The following ADK variants were observed in gnomAD, a reference collection of about 807,000 sequenced individuals.
ADK encodes adenosine kinase, also known as N6,N6-dimethyladenosine kinase.
In ADK, 24 loss-of-function variants were observed where a neutral mutation model predicts 44.7. That is an observed-to-expected ratio of 0.54 (90% CI 0.39 to 0.76). ADK has a LOEUF of 0.76. Among genes scored for constraint, ADK ranks in the 30% least tolerant of loss-of-function variants. ADK has a pLI of 0.00. For missense variants in ADK, 321 were observed against 425.1 expected, an observed-to-expected ratio of 0.76 and a Z score of 2.15; for synonymous variants, 128 against 142.6, an observed-to-expected ratio of 0.90 and a Z score of 0.73.
intron 1 of ADK, among the ~76,000 whole-genome samples, chr10:74,167,672 G>C (rs772709020): frequency 2.0e-5 from 3 of 152,182 alleles, no homozygotes; most frequent in African/African-American, 7.2e-5. Context: ...TCAAAGGCTA[G>C]CTTAGAATCT....
rs200802754 is a variant in ADK, at chr10:74,280,549, G to T, written c.195-34118G>T. Among the ~76,000 whole-genome samples, 5 of 152,070 alleles carry T rather than the reference G, an allele frequency of 3.3e-5. No homozygotes were observed. The South Asian group carries it at 6.2e-4, about 19-fold the overall frequency. On this transcript the variant is annotated intron_variant, in intron 3 of 10. Coordinates refer to ENST00000539909, the MANE Select transcript of ADK (RefSeq NM_006721.4). ...GCCTTCCAGATAGTTTGGATTATGG[G>T]TGTTTACCCCTATGCCCAGCTCTAA...
intron 3 of ADK, among the ~76,000 whole-genome samples, chr10:74,266,479 C>G (rs530771850): frequency 6.6e-6 from 1 of 151,860 alleles, no homozygotes; most frequent in Non-Finnish European, 1.5e-5. Flanking sequence ...TTGCTTGAAC[C>G]GGGGAAGGAG....
At chr10:74,161,741 T>C (rs1176756618) in intron 1 of ADK, among the ~76,000 whole-genome samples, 3 of 151,774 alleles carry the variant, frequency 2.0e-5, no homozygotes, top group African/African-American at 7.3e-5. Flanking sequence ...GGTCTTGCTG[T>C]GTTGCCTAGG....
chr10:74,414,096 A>C (rs1844283599), intron 6 of ADK, among the ~76,000 whole-genome samples: 1 of 152,216 alleles, frequency 6.6e-6, no homozygotes, highest in Admixed American at 6.5e-5. Flanking sequence ...AAAGATATAA[A>C]AGTTTGAAAT....
rs143171055 is a variant in ADK at position 74,666,808 on chromosome 10, G to A, written c.878-3375G>A. Among the ~76,000 whole-genome samples, 15 of 150,224 alleles carry A rather than the reference G, an allele frequency of 1.0e-4. No individual in the cohort carries two copies. The East Asian group carries it at 2.9e-3, about 29-fold the overall frequency. ...AATAGCTATGGAGTAGGTCATGCCG[G>A]TAAAAACTGTTAGTTTTGTGACTTT... On this transcript the variant is annotated intron_variant, in intron 9 of 10. Transcript: ENST00000539909.
At chr10:74,621,559 T>A (rs1189465527) in intron 9 of ADK, among the ~76,000 whole-genome samples, 1 of 152,254 alleles carries the variant, frequency 6.6e-6, no homozygotes, top group Non-Finnish European at 1.5e-5. Flanking sequence ...TTAGGGTCTT[T>A]TCTGATTCCA....
chr10:74,671,850 G>A (rs573968170), intron 10 of ADK, among the ~76,000 whole-genome samples: 2 of 152,236 alleles, frequency 1.3e-5, no homozygotes, highest in African/African-American at 4.8e-5. Context: ...AGATTTGATG[G>A]TGACCTAAAT....
At chr10:74,430,621 G>C (rs1844950630) in intron 6 of ADK, among the ~76,000 whole-genome samples, 1 of 151,916 alleles carries the variant, frequency 6.6e-6, no homozygotes, top group African/African-American at 2.4e-5. Context: ...TTTTTTAAAA[G>C]GAACATCAAT....
intron 2 of ADK, among the ~76,000 whole-genome samples, chr10:74,224,241 A>T (rs573820068): frequency 6.6e-6 from 1 of 152,320 alleles, no homozygotes; most frequent in South Asian, 2.1e-4. Flanking sequence ...TTAACGTTGT[A>T]GTTGTTCCAT....
At chr10:74,372,053 G>C in intron 4 of ADK, 1 of 760,368 alleles carries the variant, frequency 1.3e-6, no homozygotes, top group Non-Finnish European at 2.4e-6. Flanking sequence ...CAATGGGTTT[G>C]ATGTGGTGGA....
chr10:74,350,983 G>A (rs182715120), intron 4 of ADK, among the ~76,000 whole-genome samples: 2 of 152,224 alleles, frequency 1.3e-5, no homozygotes, highest in African/African-American at 2.4e-5. Flanking sequence ...ATTCACATCC[G>A]AATTCTACCA....
At chr10:74,386,549 T>G (rs1164211674) in intron 4 of ADK, among the ~76,000 whole-genome samples, 1 of 152,194 alleles carries the variant, frequency 6.6e-6, no homozygotes. Context: ...TAAATTCAGT[T>G]GTAAATTTTT....
At chr10:74,416,149 T>C (rs1844367126) in intron 6 of ADK, among the ~76,000 whole-genome samples, 2 of 151,732 alleles carry the variant, frequency 1.3e-5, no homozygotes, top group Admixed American at 1.3e-4. Context: ...GTGGATGACA[T>C]GGTACGTGAA....
intron 7 of ADK, among the ~76,000 whole-genome samples, chr10:74,582,385 C>G (rs1417424299): frequency 1.3e-5 from 2 of 152,032 alleles, no homozygotes; most frequent in African/African-American, 4.8e-5. Flanking sequence ...TTTTCTTATG[C>G]TAGCCTCTTT....
At chr10:74,526,207 A>G (rs1303313065) in intron 7 of ADK, among the ~76,000 whole-genome samples, 1 of 152,030 alleles carries the variant, frequency 6.6e-6, no homozygotes, top group Admixed American at 6.5e-5. Context: ...TATTTTTAAA[A>G]TATTGTCTGT....
intron 10 of ADK, among the ~76,000 whole-genome samples, chr10:74,703,156 C>T (rs887087237): frequency 6.6e-6 from 1 of 152,018 alleles, no homozygotes; most frequent in Non-Finnish European, 1.5e-5. Flanking sequence ...AAATTAGAAT[C>T]AGTCTATTAA....
rs7100239 is a variant in ADK, at chr10:74,477,491, C to T, written c.556-47765C>T. On this transcript the variant is annotated intron_variant, in intron 6 of 10. Transcript: ENST00000539909. ...CCAAAGTACTGAGATTACAGTAGTG[C>T]ACCACTGCACCTAGCCAAGATTTTT... Among the ~76,000 whole-genome samples the T allele has an allele frequency of 4.2e-3, 635 of 152,236 alleles. 3 individuals are homozygous for T. The highest frequency in any genetic ancestry group is 0.014 in the African/African-American group (597 of 41,538).
chr10:74,546,569 T>C (rs1589235902), intron 7 of ADK, among the ~76,000 whole-genome samples: 1 of 152,194 alleles, frequency 6.6e-6, no homozygotes, highest in Non-Finnish European at 1.5e-5. Context: ...GAAATATATC[T>C]GAAAAGGTTA....
intron 6 of ADK, among the ~76,000 whole-genome samples, chr10:74,505,069 C>T (rs1848012399): frequency 1.3e-5 from 2 of 151,960 alleles, no homozygotes; most frequent in Admixed American, 1.3e-4. Flanking sequence ...GCTGGTCTTC[C>T]TGTCTCAGGG....
Sources: allele counts gnomAD v4.1 joint callset (sites outside exome capture counted in the v4.1 genomes callset), GRCh38; gene constraint gnomAD v4.1.1; transcripts MANE v1.5; gene names NCBI Gene and HGNC (gene_info 2026-07-23, HGNC 2026-07-21).